Variants in SLC10A1 observed in about 807,000 individuals in gnomAD.
SLC10A1 encodes solute carrier family 10 member 1, also known as hepatic sodium/bile acid cotransporter.
SLC10A1 carries 36 observed loss-of-function variants against 20.5 expected under a neutral mutation model. The observed-to-expected ratio is 1.75, with a 90% CI of 1.34 to 2.32. The LOEUF (loss-of-function observed/expected upper bound fraction) is 2.32, where lower values mean the gene tolerates loss of function less well. Ranked by LOEUF, SLC10A1 falls within the 30% of genes most tolerant of loss-of-function variation. The pLI is 0.00. For synonymous variants in SLC10A1, 188 were observed against 163.6 expected (o/e 1.15, Z -1.14); for missense variants, 545 against 439.1 (o/e 1.24, Z -2.16).
chr14:69,784,291 C>T (rs1350399575), intron 2 of SLC10A1, among the ~76,000 whole-genome samples: 1 of 152,072 alleles, frequency 6.6e-6, no homozygotes, highest in Non-Finnish European at 1.5e-5. Context: ...AGGCAGTGGT[C>T]AATTATGTCC....
intron 1 of SLC10A1, among the ~76,000 whole-genome samples, chr14:69,793,680 G>A (rs774615431): frequency 3.3e-5 from 5 of 152,120 alleles, no homozygotes; most frequent in African/African-American, 1.2e-4. Context: ...CTTGGGTTGT[G>A]TCCAAGCCCA....
intron 2 of SLC10A1, among the ~76,000 whole-genome samples, chr14:69,780,363 T>C (rs776581003): frequency 3.3e-4 from 48 of 144,816 alleles, no homozygotes; most frequent in Admixed American, 7.0e-4. Flanking sequence ...CTGTCCCTTT[T>C]ATCTCCTGAG....
At chr14:69,794,448 C>T (rs970194939) in intron 1 of SLC10A1, among the ~76,000 whole-genome samples, 2 of 152,164 alleles carry the variant, frequency 1.3e-5, no homozygotes, top group African/African-American at 4.8e-5. Flanking sequence ...GTATTGACCT[C>T]TCTAAGATTC....
rs192755784 is a variant in SLC10A1 at position 69,788,681 on chromosome 14, A to T, written c.357-2374T>A. Among the ~76,000 whole-genome samples, 260 of 151,840 alleles carry T rather than the reference A, an allele frequency of 1.7e-3. No homozygotes were observed. The South Asian group carries it at 0.018, about 10-fold the overall frequency. On this transcript the variant is annotated intron_variant, in intron 1 of 4. Transcript: ENST00000216540. ...TGTCTCAGCCTCCCGAGTAGCTGGG[A>T]CTACAGGCGCCTGCCACCACGCCCG...
intron 4 of SLC10A1, among the ~76,000 whole-genome samples, chr14:69,776,606 T>C (rs1221543343): frequency 2.0e-5 from 3 of 152,210 alleles, no homozygotes; most frequent in Admixed American, 1.3e-4. Context: ...CCTAATGAAT[T>C]AGACTATTGT....
chr14:69,777,600 TTTTTTA>T (rs1192149622), intron 4 of SLC10A1, among the ~76,000 whole-genome samples: 15 of 97,416 alleles, frequency 1.5e-4, no homozygotes, highest in South Asian at 3.8e-4. Flanking sequence ...TTTTTTTTTT[TTTTTTA>T]AAATTGGTGT....
At chr14:69,781,168 T>A (rs190429720) in intron 2 of SLC10A1, among the ~76,000 whole-genome samples, 14 of 152,278 alleles carry the variant, frequency 9.2e-5, no homozygotes, top group Admixed American at 7.8e-4. Context: ...AAACTGTAAC[T>A]CCTGTTATTA....
intron 2 of SLC10A1, among the ~76,000 whole-genome samples, chr14:69,779,740 G>C (rs1231957899): frequency 6.6e-6 from 1 of 152,162 alleles, no homozygotes; most frequent in African/African-American, 2.4e-5. Flanking sequence ...TACAAACTCA[G>C]CCAAGCACAG....
At chr14:69,794,809 G>T (rs914185915) in intron 1 of SLC10A1, among the ~76,000 whole-genome samples, 2 of 152,158 alleles carry the variant, frequency 1.3e-5, no homozygotes, top group East Asian at 3.9e-4. Flanking sequence ...GTCATCAGGG[G>T]TCTGGACAAG....
intron 2 of SLC10A1, among the ~76,000 whole-genome samples, chr14:69,782,325 C>CT (rs748784087): frequency 1.2e-4 from 18 of 152,178 alleles, no homozygotes; most frequent in Non-Finnish European, 2.2e-4. Flanking sequence ...TTTTAATGTT[C>CT]TCTGGCTTCA....
rs200579289 is a variant in SLC10A1 at position 69,786,085 on chromosome 14, C to T, written c.567+12G>A. 6.2e-7 allele frequency: 1 copy of T among 1,611,784 alleles called. No homozygotes were observed. Among genetic ancestry groups the T allele is most frequent in the Non-Finnish European group, 8.5e-7 (1 of 1,177,930 alleles). Reference sequence around the variant, plus strand: ...CTTTTGCCCTAATTTGTCAAGCCTCCCAGGTTCTTACCTTGATGACATAGC... The same window carrying T: ...CTTTTGCCCTAATTTGTCAAGCCTCTCAGGTTCTTACCTTGATGACATAGC... On this transcript the variant is annotated intron_variant, in intron 2 of 4. Transcript: ENST00000216540.
chr14:69,788,954 C>T lies in SLC10A1; in HGVS notation c.357-2647G>A, dbSNP rs1034216133. Among the ~76,000 whole-genome samples, 6 of 152,172 alleles carry T rather than the reference C, an allele frequency of 3.9e-5. No homozygotes were observed. The South Asian group carries it at 1.2e-3, about 31-fold the overall frequency. ...AAGATATACAAATGGCTAATGAGCA[C>T]ATGAAAAGATGCTCAACATCATTAC... On this transcript the variant is annotated intron_variant, in intron 1 of 4. Coordinates refer to ENST00000216540, the MANE Select transcript of SLC10A1 (RefSeq NM_003049.4).
chr14:69,794,203 T>G (rs1882341349), intron 1 of SLC10A1, among the ~76,000 whole-genome samples: 1 of 152,100 alleles, frequency 6.6e-6, no homozygotes, highest in South Asian at 2.1e-4. Flanking sequence ...TGACATGTAT[T>G]GTTTGGTTTG....
chr14:69,792,952 A>T (rs1460503998), intron 1 of SLC10A1, among the ~76,000 whole-genome samples: 3 of 152,172 alleles, frequency 2.0e-5, no homozygotes, highest in Non-Finnish European at 4.4e-5. Flanking sequence ...CGTATATAAT[A>T]GTTGAAAAGG....
chr14:69,783,639 C>G (rs1436869056), intron 2 of SLC10A1, among the ~76,000 whole-genome samples: 1 of 152,112 alleles, frequency 6.6e-6, no homozygotes, highest in East Asian at 1.9e-4. Context: ...TTTAAACTAT[C>G]CTAGGGGGAA....
At chr14:69,777,907 G>A (rs770320153) in intron 4 of SLC10A1, among the ~76,000 whole-genome samples, 3 of 151,556 alleles carry the variant, frequency 2.0e-5, no homozygotes, top group Non-Finnish European at 2.9e-5. Context: ...TCATACGGAG[G>A]TGCCAGTGGT....
rs1421152282 is a variant in SLC10A1, at chr14:69,786,205, C to T, written c.459G>A (p.Lys153=). The change falls in exon 2 of 5, where the codon AAG becomes AAA. Residue 153 remains lysine (K), a synonymous_variant. Transcript: ENST00000216540. ...ATATCACGATGCCTTTATAGGGCACCTTGTCCTTCAGGTCCCCATCATAGA... is the reference window on the plus strand; with the variant it reads ...ATATCACGATGCCTTTATAGGGCACTTTGTCCTTCAGGTCCCCATCATAGA... ...RGIYDGDLKD[K]VPYKGIVISL... The T allele has an allele frequency of 8.7e-6, 14 of 1,613,944 alleles. No individual in the cohort carries two copies. Among genetic ancestry groups the T allele is most frequent in the Non-Finnish European group, 1.0e-5 (12 of 1,179,996 alleles).
rs202082807 is a variant in SLC10A1 at position 69,778,374 on chromosome 14, A to G, written c.902T>C (p.Ile301Thr). ...IFQLGEGLLL[I>T]AIFWCYEKFK... ...TTTCTCATAGCACCAAAATATGGCA[A>G]TGAGGAGAAGCCCTTCTCCAAGCTG... The change falls in exon 4 of 5, where the codon ATT becomes ACT. Residue 301 changes from isoleucine (I) to threonine (T), a missense_variant. Transcript: ENST00000216540. 21 of 1,612,460 alleles carry G rather than the reference A, an allele frequency of 1.3e-5. No homozygotes were observed. In the Admixed American group the frequency reaches 1.3e-4, roughly 10 times the overall value.
intron 4 of SLC10A1, among the ~76,000 whole-genome samples, chr14:69,777,004 T>TTCCAC (rs1273843985): frequency 1.3e-5 from 2 of 152,200 alleles, no homozygotes; most frequent in Non-Finnish European, 2.9e-5. Flanking sequence ...GATTTAGTGT[T>TTCCAC]TCCACTGGGG....
Sources: gnomAD v4.1 joint callset for allele counts (sites outside exome capture counted in the v4.1 genomes callset) on GRCh38, gnomAD v4.1.1 for gene constraint, MANE v1.5 for transcripts, NCBI Gene and HGNC (gene_info 2026-07-23, HGNC 2026-07-21) for gene names.